COL20A1: variants seen among roughly 807,000 people sequenced by gnomAD.
The protein encoded by COL20A1 is collagen alpha-1(XX) chain.
A neutral mutation model predicts 152.9 loss-of-function variants in COL20A1; 164 were observed. The observed-to-expected ratio is 1.07, with a 90% CI of 0.94 to 1.22. The LOEUF (loss-of-function observed/expected upper bound fraction) is 1.22, where lower values mean the gene tolerates loss of function less well. COL20A1 is among the 50% of genes most tolerant of loss of function. The pLI, the probability that COL20A1 is intolerant of heterozygous loss-of-function variation, is 0.00. For missense variants in COL20A1, 1,873 were observed against 1,744.8 expected, an observed-to-expected ratio of 1.07 and a Z score of -1.31; for synonymous variants, 864 against 756.0, an observed-to-expected ratio of 1.14 and a Z score of -2.34.
At position 63,326,837 on chromosome 20, in the gene COL20A1, CA is replaced by C; in HGVS notation, c.3528+16del. 1 of 1,486,906 alleles carries C rather than the reference CA, an allele frequency of 6.7e-7. No homozygotes were observed. Among genetic ancestry groups the C allele is most frequent in the African/African-American group, 1.5e-5 (1 of 67,686 alleles). The allele number at this position is 1,486,906 out of a possible 1,614,324, so 92.1% of individuals were successfully genotyped here. ...GTGGGGCCCACAGTAAGTGCATTTC[CA>C]ACACCCACCAGCCAACCAAAGGTGG... On this transcript the variant is annotated intron_variant, in intron 31 of 35. Coordinates refer to ENST00000358894, the MANE Select transcript of COL20A1 (RefSeq NM_020882.4).
At position 63,311,579 on chromosome 20, in the gene COL20A1, G is replaced by C; in HGVS notation, c.1539+40G>C. 1 of 1,610,000 alleles carries C rather than the reference G, an allele frequency of 6.2e-7. No individual in the cohort carries two copies. On this transcript the variant is annotated intron_variant, in intron 12 of 35. Coordinates refer to ENST00000358894, the MANE Select transcript of COL20A1 (RefSeq NM_020882.4). The surrounding 1 kb of genome is among the most constrained non-coding windows in gnomAD (Gnocchi z 4.4). ...GGGGTGGCGGGGGAGGCAGAGGAGT[G>C]GGGCAGAGCGAGTGGGGGCTGGCCT...
intron 34 of COL20A1, among the ~76,000 whole-genome samples, chr20:63,328,814 C>T (rs980926665): frequency 2.1e-5 from 3 of 141,956 alleles, no homozygotes; most frequent in Non-Finnish European, 4.7e-5. Context: ...TCCTTCCTCC[C>T]GCCCTCCCGC....
rs199552436 is a variant in COL20A1, at chr20:63,312,527, G to A, written c.1911G>A (p.Thr637=). The change falls in exon 15 of 36, where the codon ACG becomes ACA. Residue 637 remains threonine (T), a synonymous_variant. Transcript: ENST00000358894. ...TCTACCCTGGGGGTGGCTCCTCTACGCTGACTGGCCGGGTGACCACCAGTG... is the reference window on the plus strand; with the variant it reads ...TCTACCCTGGGGGTGGCTCCTCTACACTGACTGGCCGGGTGACCACCAGTG... ...TCLYPGGGSS[T]LTGRVTTKKA... is the part of the protein sequence containing the mutation. 147 of 1,598,608 alleles carry A rather than the reference G, an allele frequency of 9.2e-5. No individual in the cohort carries two copies. Among genetic ancestry groups the A allele is most frequent in the African/African-American group, 1.2e-4 (9 of 74,492 alleles).
intron 3 of COL20A1, 120 bp downstream of exon 3, chr20:63,298,140 G>A: frequency 1.6e-6 from 1 of 644,564 alleles, no homozygotes; most frequent in Non-Finnish European, 2.7e-6. Flanking sequence ...CTTAGTGTCA[G>A]CACCTCTCTG....
chr20:63,325,385 G>A (rs756559315), intron 27 of COL20A1, 56 bp from the exon 28 acceptor site: 168 of 1,344,774 alleles, frequency 1.2e-4, no homozygotes, highest in Non-Finnish European at 1.7e-4. Context: ...CTCCTTCCCT[G>A]CCCTCCTGCC....
intron 10 of COL20A1, 57 bp from the exon 11 acceptor site, chr20:63,310,324 G>T (rs2067987854): frequency 5.7e-6 from 9 of 1,586,522 alleles, no homozygotes; most frequent in Non-Finnish European, 7.7e-6. Context: ...TTCCTGTCCT[G>T]CTCCCCATCC....
chr20:63,313,041 G>A lies in COL20A1; in HGVS notation c.2077-76G>A, dbSNP rs2068033206. The A allele has an allele frequency of 6.4e-7, 1 of 1,552,340 alleles. No individual in the cohort carries two copies. The highest frequency in any genetic ancestry group is 8.7e-7 in the Non-Finnish European group (1 of 1,146,350). On this transcript the variant is annotated intron_variant, in intron 16 of 35. Transcript: ENST00000358894. This position sits in a 1 kb window ranked among gnomAD's most constrained non-coding sequence, Gnocchi z 5.9. ...TATGTGCGCCCACCCTGTCTCCCAG[G>A]GATGCCTCACTGCCCGGCCCCCCAA...
intron 2 of COL20A1, 121 bp from the exon 3 acceptor site, chr20:63,297,789 G>T: frequency 2.8e-6 from 2 of 720,970 alleles, no homozygotes; most frequent in Non-Finnish European, 4.5e-6. Context: ...TCTCTTCGGG[G>T]TCCCCCGGGA....
At position 63,309,505 on chromosome 20, in the gene COL20A1, G is replaced by A. The variant is rs1196061401; in HGVS notation, c.1105+8G>A. The A allele has an allele frequency of 1.3e-6, 2 of 1,502,336 alleles. No homozygotes were observed. Among genetic ancestry groups the A allele is most frequent in the South Asian group, 1.2e-5 (1 of 80,302 alleles). 93.1% of individuals were successfully genotyped at this position (1,502,336 alleles called of 1,614,324 possible). ...GCCCGCGGCAGGGCCCAGGTGAGGGGCAGGGTCACCCGCACAGGCTGCAGC... is the reference window on the plus strand; with the variant it reads ...GCCCGCGGCAGGGCCCAGGTGAGGGACAGGGTCACCCGCACAGGCTGCAGC... On this transcript the variant is annotated splice_region_variant and intron_variant, in intron 9 of 35. Transcript: ENST00000358894.
chr20:63,319,351 G>T lies in COL20A1; in HGVS notation c.2807-136G>T, dbSNP rs2068126861. 1 of 1,091,724 alleles carries T rather than the reference G, an allele frequency of 9.2e-7. No homozygotes were observed. Among genetic ancestry groups the T allele is most frequent in the Non-Finnish European group, 1.3e-6 (1 of 765,172 alleles). The allele number at this position is 1,091,724 out of a possible 1,614,324, so 67.6% of individuals were successfully genotyped here. A position where few individuals can be genotyped will look rare whatever the true frequency, so the allele number is the denominator to read the frequency against. On this transcript the variant is annotated intron_variant, in intron 22 of 35. Coordinates refer to ENST00000358894, the MANE Select transcript of COL20A1 (RefSeq NM_020882.4). The surrounding 1 kb of genome is among the most constrained non-coding windows in gnomAD (Gnocchi z 4.4). Reference sequence around the variant, plus strand: ...AGGCAGGTGTCCCGGGCAGGGGGCTGTGGGCCACATTGAGGGTCACCTCCA... The same window carrying T: ...AGGCAGGTGTCCCGGGCAGGGGGCTTTGGGCCACATTGAGGGTCACCTCCA...
intron 2 of COL20A1, 109 bp downstream of exon 2, chr20:63,295,298 G>T: frequency 1.4e-6 from 1 of 692,686 alleles, no homozygotes; most frequent in South Asian, 1.8e-5. Flanking sequence ...CTCCTAAGTT[G>T]AATGCGTGCT....
Position 63,325,501 on chromosome 20 carries a change from T to TG in COL20A1, c.3348+9dup. ...TGGGCTTCCAGGCTTGCAGGTAGTG[T>TG]GGCTGGGGCCAGGGGGCCACAGGGG... On this transcript the variant is annotated splice_region_variant and intron_variant, in intron 28 of 35. Transcript: ENST00000358894. The TG allele has an allele frequency of 6.2e-7, 1 of 1,606,024 alleles. No homozygotes were observed. Among genetic ancestry groups the TG allele is most frequent in the South Asian group, 1.1e-5 (1 of 90,710 alleles).
chr20:63,303,951 G>A (rs574533875), intron 3 of COL20A1, among the ~76,000 whole-genome samples: 2 of 146,250 alleles, frequency 1.4e-5, no homozygotes, highest in South Asian at 4.4e-4. Flanking sequence ...AGGTGTGCAG[G>A]TGTGGGTTCC....
At chr20:63,299,191 C>T (rs1601402745) in intron 3 of COL20A1, among the ~76,000 whole-genome samples, 4 of 152,098 alleles carry the variant, frequency 2.6e-5, no homozygotes, top group Non-Finnish European at 5.9e-5. Flanking sequence ...TGTGTAGACG[C>T]CGTGTGAGGG....
At position 63,306,020 on chromosome 20, in the gene COL20A1, C is replaced by T. The variant is rs1283224829; in HGVS notation, c.477C>T (p.Ser159=). Reference sequence around the variant, plus strand: ...AGCCCCAAGTTGCCTTCACACCAAGCCAGGATCCGCGCACTCCTGGTGGGT... The same window carrying T: ...AGCCCCAAGTTGCCTTCACACCAAGTCAGGATCCGCGCACTCCTGGTGGGT... ...ASEPQVAFTP[S]QDPRTPAGPQ... The change falls in exon 5 of 36, where the codon AGC becomes AGT. Residue 159 remains serine, a synonymous_variant. Transcript: ENST00000358894. This position sits in a 1 kb window ranked among gnomAD's most constrained non-coding sequence, Gnocchi z 6.9. 3 of 1,611,646 alleles carry T rather than the reference C, an allele frequency of 1.9e-6. No individual in the cohort carries two copies. Among genetic ancestry groups the T allele is most frequent in the African/African-American group, 1.3e-5 (1 of 74,930 alleles).
chr20:63,325,569 C>A, intron 28 of COL20A1, 75 bp downstream of exon 28: 1 of 1,548,016 alleles, frequency 6.5e-7, no homozygotes, highest in Non-Finnish European at 8.9e-7. Context: ...ATGGGGAGTG[C>A]CTGGGGGGCA....
chr20:63,299,973 T>TGGCACAGTCATAGCTCACTGCAGC (rs1223732256), intron 3 of COL20A1, among the ~76,000 whole-genome samples: 2 of 151,964 alleles, frequency 1.3e-5, no homozygotes, highest in African/African-American at 4.8e-5. Context: ...CACAGTGCAG[T>TGGCACAGTCATAGCTCACTGCAGC]GGCACAGTCA....
At position 63,316,640 on chromosome 20, in the gene COL20A1, G is replaced by A. The variant is rs1204901076; in HGVS notation, c.2612G>A (p.Gly871Glu). 1 of 1,578,192 alleles carries A rather than the reference G, an allele frequency of 6.3e-7. No individual in the cohort carries two copies. The highest frequency in any genetic ancestry group is 1.8e-5 in the Admixed American group (1 of 54,554). ...GVAMEPSAFG[G>E]TPTFTLFKDA... ...GCCATGGAGCCCTCTGCCTTCGGTG[G>A]GACCCCGACCTTCACGCTCTTCAAG... The change falls in exon 21 of 36, where the codon GGG becomes GAG. Residue 871 changes from glycine to glutamate, a missense_variant. Physicochemically the swap from Gly to Glu is moderately conservative, Grantham distance 98. Coordinates refer to ENST00000358894, the MANE Select transcript of COL20A1 (RefSeq NM_020882.4).
intron 14 of COL20A1, 109 bp from the exon 15 acceptor site, chr20:63,312,311 G>A (rs985017249): frequency 7.8e-7 from 1 of 1,288,062 alleles, no homozygotes; most frequent in Non-Finnish European, 1.0e-6. Context: ...CCCCGTTTCT[G>A]GGGGGTCGTG....
Sources: allele counts gnomAD v4.1 joint callset (sites outside exome capture counted in the v4.1 genomes callset), GRCh38; gene constraint gnomAD v4.1.1; non-coding constraint Gnocchi (gnomAD v3.1); transcripts MANE v1.5; gene names NCBI Gene and HGNC (gene_info 2026-07-23, HGNC 2026-07-21).